The following SFMBT2 variants were observed in gnomAD, a reference collection of about 807,000 sequenced individuals.
SFMBT2 encodes the protein scm-like with four MBT domains protein 2.
SFMBT2 carries 38 observed loss-of-function variants against 110.1 expected under a neutral mutation model. That is an observed-to-expected ratio of 0.35 (90% confidence interval 0.27 to 0.45). The LOEUF (loss-of-function observed/expected upper bound fraction) is 0.45. Ranked by LOEUF, SFMBT2 falls within the 20% of genes least tolerant of loss-of-function variation. The probability of loss-of-function intolerance (pLI) is 1.00; values close to 1 mark genes in which losing one functional copy is unlikely to be tolerated. For missense variants in SFMBT2, 1,011 were observed against 1,094.9 expected (o/e 0.92, Z 1.08); for synonymous variants, 425 against 425.4 (o/e 1.00, Z 0.01).
intron 4 of SFMBT2, among the ~76,000 whole-genome samples, chr10:7,298,478 T>C (rs1842468457): frequency 6.6e-6 from 1 of 152,198 alleles, no homozygotes; most frequent in Non-Finnish European, 1.5e-5. Flanking sequence ...GAAGTCTCAG[T>C]CTGACCAGTT....
chr10:7,291,241 C>A (rs958870502), intron 4 of SFMBT2, among the ~76,000 whole-genome samples: 7 of 152,210 alleles, frequency 4.6e-5, no homozygotes, highest in African/African-American at 1.7e-4. Context: ...AGGCCATTTT[C>A]ACTCACACTC....
chr10:7,257,098 A>AAGGGGAGGGAAGGGG (rs1554794265), intron 7 of SFMBT2, among the ~76,000 whole-genome samples: 2 of 74,776 alleles, frequency 2.7e-5, no homozygotes, highest in South Asian at 3.8e-4. Context: ...TTGGAAAGGG[A>AAGGGGAGGGAAGGGG]AGGGGAGGGG....
At chr10:7,251,924 T>C (rs959808159) in intron 7 of SFMBT2, among the ~76,000 whole-genome samples, 9 of 152,176 alleles carry the variant, frequency 5.9e-5, no homozygotes, top group Non-Finnish European at 8.8e-5. Flanking sequence ...TGAGAGTCTC[T>C]GCTCTAGAGG....
At chr10:7,358,323 C>A (rs1564456739) in intron 4 of SFMBT2, among the ~76,000 whole-genome samples, 1 of 152,044 alleles carries the variant, frequency 6.6e-6, no homozygotes, top group Non-Finnish European at 1.5e-5. Context: ...CTGCATGGCC[C>A]TAGAACATCT....
intron 7 of SFMBT2, among the ~76,000 whole-genome samples, chr10:7,249,811 C>T (rs912659985): frequency 2.6e-5 from 4 of 152,160 alleles, no homozygotes; most frequent in African/African-American, 9.7e-5. Flanking sequence ...AGAATGTAAA[C>T]GCCTATAGAA....
At chr10:7,164,760 C>A (rs1461750923) in intron 20 of SFMBT2, among the ~76,000 whole-genome samples, 1 of 149,476 alleles carries the variant, frequency 6.7e-6, no homozygotes, top group East Asian at 2.0e-4. Flanking sequence ...CACACACACA[C>A]ACACACACAC....
chr10:7,300,452 G>C (rs773609887), intron 4 of SFMBT2, among the ~76,000 whole-genome samples: 9 of 152,194 alleles, frequency 5.9e-5, no homozygotes, highest in Non-Finnish European at 1.2e-4. Context: ...TTCCAAGGTA[G>C]TCTTTTGACA....
At position 7,171,151 on chromosome 10, in the gene SFMBT2, A is replaced by T; in HGVS notation, c.2416-95T>A. On this transcript the variant is annotated intron_variant, in intron 19 of 20. Transcript: ENST00000397167. The surrounding 1 kb of genome is among the most constrained non-coding windows in gnomAD (Gnocchi z 4.9). ...CAGGCCTCGGCCGTTCCTGGCCGGAAGCCACTGCCTCCCTTTGCTCCCTCA... is the reference window on the plus strand; with the variant it reads ...CAGGCCTCGGCCGTTCCTGGCCGGATGCCACTGCCTCCCTTTGCTCCCTCA... The T allele has an allele frequency of 6.3e-7, 1 of 1,584,876 alleles. No individual in the cohort carries two copies. The highest frequency in any genetic ancestry group is 1.7e-5 in the Admixed American group (1 of 59,452).
At chr10:7,288,856 C>A (rs1005846893) in intron 4 of SFMBT2, among the ~76,000 whole-genome samples, 5 of 142,178 alleles carry the variant, frequency 3.5e-5, no homozygotes, top group South Asian at 2.2e-4. Flanking sequence ...TGGTGAAACC[C>A]CCCCCCCCAT....
rs758372081 is a variant in SFMBT2 at position 7,243,616 on chromosome 10, C to T, written c.1062G>A (p.Leu354=). The change falls in exon 9 of 21, where the codon TTG becomes TTA. Residue 354 remains leucine (L), a synonymous_variant. Coordinates refer to ENST00000397167, the MANE Select transcript of SFMBT2 (RefSeq NM_001387889.1). ...KLSMLCHADS[L]GILPVQWCLK... is the part of the protein sequence containing the mutation. ...GGCACCACTGTACTGGCAAAATCCC[C>T]AAAGAATCTGCATGGCACAGCATTG... 1 of 872,904 alleles carries T rather than the reference C, an allele frequency of 1.1e-6. No individual in the cohort carries two copies. The highest frequency in any genetic ancestry group is 2.4e-5 in the East Asian group (1 of 41,708). 54.1% of individuals were successfully genotyped at this position (872,904 alleles called of 1,614,324 possible).
intron 4 of SFMBT2, among the ~76,000 whole-genome samples, chr10:7,307,019 T>C (rs1387103397): frequency 6.6e-6 from 1 of 152,186 alleles, no homozygotes; most frequent in East Asian, 1.9e-4. Context: ...AAAATGTCCT[T>C]TAAGTCTCAC....
At chr10:7,287,398 A>T (rs915507595) in intron 4 of SFMBT2, 1 of 244,146 alleles carries the variant, frequency 4.1e-6, no homozygotes, top group South Asian at 1.5e-4. Flanking sequence ...TTTGAAAAAG[A>T]AGTATCAGAC....
intron 11 of SFMBT2, chr10:7,206,584 G>A: frequency 3.0e-6 from 3 of 985,214 alleles, no homozygotes; most frequent in Non-Finnish European, 3.6e-6. Flanking sequence ...AGTCACTTAT[G>A]TAGCAATGTC....
intron 16 of SFMBT2, among the ~76,000 whole-genome samples, chr10:7,184,630 A>T (rs1404540174): frequency 6.6e-6 from 1 of 152,142 alleles, no homozygotes; most frequent in Non-Finnish European, 1.5e-5. Flanking sequence ...ACACTGGTGT[A>T]ACAATCCGTT....
chr10:7,298,286 C>T (rs948763676), intron 4 of SFMBT2, among the ~76,000 whole-genome samples: 10 of 152,176 alleles, frequency 6.6e-5, no homozygotes, highest in South Asian at 2.1e-4. Context: ...CTGACCATGA[C>T]GTCCACTCAC....
chr10:7,205,460 T>A, intron 12 of SFMBT2: 1 of 985,164 alleles, frequency 1.0e-6, no homozygotes, highest in East Asian at 1.1e-4. Context: ...AGAAGCTACA[T>A]GAGAAAAATC....
intron 7 of SFMBT2, among the ~76,000 whole-genome samples, chr10:7,252,179 A>C (rs1840832424): frequency 6.6e-6 from 1 of 152,064 alleles, no homozygotes; most frequent in African/African-American, 2.4e-5. Flanking sequence ...CTCATACTCC[A>C]AGTCCTCTGG....
chr10:7,316,994 T>C (rs1489442477), intron 4 of SFMBT2, among the ~76,000 whole-genome samples: 2 of 152,220 alleles, frequency 1.3e-5, no homozygotes, highest in African/African-American at 2.4e-5. Flanking sequence ...TGATATCTAG[T>C]GTGTGGCAGA....
At chr10:7,372,598 C>T (rs915573783) in intron 2 of SFMBT2, among the ~76,000 whole-genome samples, 2 of 152,288 alleles carry the variant, frequency 1.3e-5, no homozygotes, top group East Asian at 1.9e-4. Flanking sequence ...AAGTTTAGAG[C>T]GTCACAGACA....
Sources: allele counts gnomAD v4.1 joint callset (sites outside exome capture counted in the v4.1 genomes callset), GRCh38; gene constraint gnomAD v4.1.1; non-coding constraint Gnocchi (gnomAD v3.1); transcripts MANE v1.5; gene names NCBI Gene and HGNC (gene_info 2026-07-23, HGNC 2026-07-21).